MRPS31: variants seen among roughly 807,000 people sequenced by gnomAD.
MRPS31 encodes small ribosomal subunit protein mS31.
Under a neutral mutation model 43.1 loss-of-function variants are expected in MRPS31, and 32 were observed. The observed-to-expected ratio is 0.74, with a 90% CI of 0.56 to 1.00. The LOEUF is 1.00. Among genes scored for constraint, MRPS31 ranks in the 50% least tolerant of loss-of-function variants. The pLI is 0.00. For missense variants in MRPS31, 437 were observed against 466.7 expected (o/e 0.94, Z 0.59); for synonymous variants, 165 against 161.6 (o/e 1.02, Z -0.16).
chr13:40,765,821 T>C (rs892237209), intron 2 of MRPS31, among the ~76,000 whole-genome samples: 5 of 152,286 alleles, frequency 3.3e-5, no homozygotes, highest in Admixed American at 1.3e-4. Flanking sequence ...AAATACATCA[T>C]TACATAGCAC....
intron 6 of MRPS31, among the ~76,000 whole-genome samples, chr13:40,734,753 A>G (rs1879825932): frequency 6.6e-6 from 1 of 152,080 alleles, no homozygotes; most frequent in South Asian, 2.1e-4. Flanking sequence ...AAAATTAGCC[A>G]GGCATGGTGG....
chr13:40,740,072 T>A (rs1203882506), intron 6 of MRPS31, among the ~76,000 whole-genome samples: 2 of 150,484 alleles, frequency 1.3e-5, no homozygotes, highest in African/African-American at 4.9e-5. Context: ...GAATCTACAA[T>A]GAACTCAAGC....
At chr13:40,758,791 A>T (rs1439816471) in intron 3 of MRPS31, among the ~76,000 whole-genome samples, 157 bp downstream of exon 3, 1 of 152,214 alleles carries the variant, frequency 6.6e-6, no homozygotes, top group Non-Finnish European at 1.5e-5. Context: ...CTTAAGACAT[A>T]AGTTTTTTAA....
At chr13:40,739,612 C>T (rs1238414834) in intron 6 of MRPS31, among the ~76,000 whole-genome samples, 4 of 152,124 alleles carry the variant, frequency 2.6e-5, no homozygotes, top group Non-Finnish European at 5.9e-5. Context: ...TGGAACAGAA[C>T]AGAGCCCTCA....
chr13:40,759,189 G>C, intron 2 of MRPS31, 83 bp from the exon 3 acceptor site: 1 of 1,134,316 alleles, frequency 8.8e-7, no homozygotes, highest in East Asian at 2.8e-5. Context: ...TGTAATTCCA[G>C]CACTTTGGGA....
intron 6 of MRPS31, among the ~76,000 whole-genome samples, chr13:40,747,637 G>A (rs1392619840): frequency 1.3e-5 from 2 of 152,144 alleles, no homozygotes; most frequent in Non-Finnish European, 2.9e-5. Flanking sequence ...CAGCACTTTG[G>A]GAGGCCAAGG....
rs866441224 is a variant in MRPS31, at chr13:40,749,263, CAA to C, written c.831_832del (p.Trp278GlyfsTer6). ...TAACTGCTTAGCAAATTCCACATCC[CAA>C]AGTGAAGGTGATGTGTCTACATAAT... On this transcript the variant is annotated frameshift_variant, in exon 6 of 7. Coordinates refer to ENST00000323563, the MANE Select transcript of MRPS31 (RefSeq NM_005830.4). LOFTEE classifies it high-confidence loss of function. 8.8e-6 allele frequency: 14 copies of C among 1,586,998 alleles called. No individual in the cohort carries two copies. Among genetic ancestry groups the C allele is most frequent in the Non-Finnish European group, 1.2e-5 (14 of 1,172,936 alleles).
chr13:40,730,749 T>C (rs1199402074), intron 6 of MRPS31, among the ~76,000 whole-genome samples: 1 of 151,322 alleles, frequency 6.6e-6, no homozygotes, highest in Admixed American at 6.6e-5. Context: ...TTAGTAGAGA[T>C]GGGGTTTCAC....
At chr13:40,733,472 T>C (rs1051279493) in intron 6 of MRPS31, among the ~76,000 whole-genome samples, 4 of 152,070 alleles carry the variant, frequency 2.6e-5, no homozygotes, top group African/African-American at 9.7e-5. Context: ...AATTGAAAAA[T>C]GAAGTTACTG....
At position 40,752,841 on chromosome 13, in the gene MRPS31, T is replaced by C. The variant is rs561539408; in HGVS notation, c.814+1178A>G. Among the ~76,000 whole-genome samples the C allele has an allele frequency of 1.5e-3, 226 of 152,212 alleles. 2 individuals are homozygous for C. The highest frequency in any genetic ancestry group is 2.6e-3 in the Non-Finnish European group (180 of 67,978). On this transcript the variant is annotated intron_variant, in intron 5 of 6. Transcript: ENST00000323563. ...AGCAGCCTCAAATTCTGGGCTCCAG[T>C]GATCCTGCCACTTCAACTTCCCAAG...
chr13:40,760,356 T>C lies in MRPS31; in HGVS notation c.441-1250A>G, dbSNP rs56109752. ...TCCTACAGCTAAGATTTGTATACTT[T>C]AATACATGTAAATTTTACCTGAAAA... On this transcript the variant is annotated intron_variant, in intron 2 of 6. Coordinates refer to ENST00000323563, the MANE Select transcript of MRPS31 (RefSeq NM_005830.4). Among the ~76,000 whole-genome samples the C allele has an allele frequency of 5.9e-3, 895 of 152,090 alleles. 8 individuals are homozygous for C. The highest frequency in any genetic ancestry group is 0.021 in the African/African-American group (860 of 41,464).
At position 40,770,992 on chromosome 13, in the gene MRPS31, A is replaced by G; in HGVS notation, c.145T>C (p.Leu49=). The G allele has an allele frequency of 6.2e-7, 1 of 1,614,166 alleles. No homozygotes were observed. The highest frequency in any genetic ancestry group is 8.5e-7 in the Non-Finnish European group (1 of 1,180,028). The change falls in exon 1 of 7, where the codon TTG becomes CTG. Residue 49 remains leucine (L), a synonymous_variant. Transcript: ENST00000323563. The part of the protein sequence containing the change: ...GTVRYRSSAL[L]ARTKNNIQRY... ...GGTTGCCTGAGGACCTACCGGGCCAACAGCGCTGAACTGCGGTACCTGACT... is the reference window on the plus strand; with the variant it reads ...GGTTGCCTGAGGACCTACCGGGCCAGCAGCGCTGAACTGCGGTACCTGACT...
intron 1 of MRPS31, among the ~76,000 whole-genome samples, chr13:40,768,711 T>C (rs1391326759): frequency 1.3e-5 from 2 of 152,198 alleles, no homozygotes; most frequent in Non-Finnish European, 2.9e-5. Context: ...TGCTCCTTGC[T>C]AAAACATACT....
chr13:40,754,063 T>A lies in MRPS31; in HGVS notation c.770A>T (p.Asn257Ile), dbSNP rs760035202. ...RKNIFTGKRL[N>I]IFDMMAVTKE... ...AGTAACTGCCATCATGTCAAAAATA[T>A]TAAGTCTTTTCCCTGTGAATATATT... Residue 257 changes from asparagine to isoleucine, a missense_variant, in exon 5 of 7, where the codon AAT (asparagine) becomes ATT (isoleucine). Coordinates refer to ENST00000323563, the MANE Select transcript of MRPS31 (RefSeq NM_005830.4). The A allele has an allele frequency of 1.1e-5, 18 of 1,599,102 alleles. No individual in the cohort carries two copies. In the Admixed American group the frequency reaches 3.1e-4, roughly 27 times the overall value.
chr13:40,733,269 G>A (rs568118049), intron 6 of MRPS31, among the ~76,000 whole-genome samples: 1 of 152,174 alleles, frequency 6.6e-6, no homozygotes, highest in Non-Finnish European at 1.5e-5. Flanking sequence ...CTCCCAAAGT[G>A]CTGGGATCAC....
Position 40,766,826 on chromosome 13 carries a change from G to A in MRPS31, c.360C>T (p.Pro120=). The part of the protein sequence containing the change: ...LSTVNVRTTK[P]PKRRPLKSLE... The stretch of plus-strand genomic sequence containing the variant: ...AACTTTTAAGTGGTCTTCTTTTGGG[G>A]GGCTTTGTTGTTCGTACATTTACTG... The change falls in exon 2 of 7, where the codon CCC becomes CCT. Residue 120 remains proline, a synonymous_variant. Coordinates refer to ENST00000323563, the MANE Select transcript of MRPS31 (RefSeq NM_005830.4). 1.2e-6 allele frequency: 2 copies of A among 1,614,046 alleles called. No homozygotes were observed. Among genetic ancestry groups the A allele is most frequent in the Non-Finnish European group, 1.7e-6 (2 of 1,179,978 alleles).
chr13:40,769,127 C>G (rs982795472), intron 1 of MRPS31, among the ~76,000 whole-genome samples: 2 of 151,770 alleles, frequency 1.3e-5, no homozygotes, highest in African/African-American at 4.8e-5. Flanking sequence ...CCTGTAATTC[C>G]AGCAGTTTGG....
Position 40,771,108 on chromosome 13 carries a change from G to T in MRPS31, c.29C>A (p.Pro10His). 3 of 1,613,260 alleles carry T rather than the reference G, an allele frequency of 1.9e-6. No individual in the cohort carries two copies. The highest frequency in any genetic ancestry group is 2.5e-6 in the Non-Finnish European group (3 of 1,179,564). Residue 10 changes from proline (P) to histidine (H), a missense_variant, in exon 1 of 7, where the codon CCT (proline) becomes CAT (histidine). Pro to His is a moderately conservative substitution (Grantham distance 77). Coordinates refer to ENST00000323563, the MANE Select transcript of MRPS31 (RefSeq NM_005830.4). MFPRVSTFL[P>H]LRPLSRHPLS... ...AGGGTGGCGGGAAAGGGGGCGAAGAGGTAGGAACGTCGAGACTCTAGGAAA... is the reference window on the plus strand; with the variant it reads ...AGGGTGGCGGGAAAGGGGGCGAAGATGTAGGAACGTCGAGACTCTAGGAAA...
intron 6 of MRPS31, among the ~76,000 whole-genome samples, chr13:40,748,209 G>A (rs560642754): frequency 6.6e-6 from 1 of 152,324 alleles, no homozygotes; most frequent in African/African-American, 2.4e-5. Flanking sequence ...CCAGGCTGGA[G>A]TGCAATAGCG....
Sources: allele counts gnomAD v4.1 joint callset (sites outside exome capture counted in the v4.1 genomes callset), GRCh38; gene constraint gnomAD v4.1.1; transcripts MANE v1.5; gene names NCBI Gene and HGNC (gene_info 2026-07-23, HGNC 2026-07-21).